GALNTL6: variants seen among roughly 807,000 people sequenced by gnomAD.
GALNTL6 encodes polypeptide N-acetylgalactosaminyltransferase-like 6.
A neutral mutation model predicts 73.7 loss-of-function variants in GALNTL6; 46 were observed. The ratio of observed to expected loss-of-function variants is 0.62; its 90% CI spans 0.49 to 0.80. GALNTL6 has a LOEUF of 0.80. GALNTL6 is among the 30% of genes least tolerant of loss of function. GALNTL6 has a pLI of 0.00. For synonymous variants in GALNTL6, 259 were observed against 263.7 expected (o/e 0.98, Z 0.17); for missense variants, 604 against 755.0 (o/e 0.80, Z 2.34).
At chr4:172,065,427 T>C (rs892626988) in intron 2 of GALNTL6, among the ~76,000 whole-genome samples, 37 of 152,230 alleles carry the variant, frequency 2.4e-4, no homozygotes, top group African/African-American at 7.2e-4. Context: ...AGCCCAGGGG[T>C]TGGGGACCCC....
intron 2 of GALNTL6, among the ~76,000 whole-genome samples, chr4:172,156,540 AATATATATAT>A (rs5864120): frequency 8.0e-6 from 1 of 125,184 alleles, no homozygotes; most frequent in South Asian, 2.4e-4. Flanking sequence ...ATATATATAT[AATATATATAT>A]ATATATATAT....
At chr4:172,992,139 T>C (rs1751571633) in intron 10 of GALNTL6, among the ~76,000 whole-genome samples, 1 of 152,238 alleles carries the variant, frequency 6.6e-6, no homozygotes, top group African/African-American at 2.4e-5. Context: ...TAAGCAATTT[T>C]AGTTATGTAC....
rs1327250827 is a variant in GALNTL6, at chr4:172,078,039, T to C, written c.139-151617T>C. 2.0e-5 allele frequency among the ~76,000 whole-genome samples: 3 copies of C among 152,076 alleles called. No individual in the cohort carries two copies. In the East Asian group the frequency reaches 5.8e-4, roughly 29 times the overall value. The stretch of plus-strand genomic sequence containing the variant: ...AAGCCTTGGTGGCTTCCATGTGGTG[T>C]TGGGTCTGTGGGTGCACAAAAGGCC... On this transcript the variant is annotated intron_variant, in intron 2 of 12. Coordinates refer to ENST00000506823, the MANE Select transcript of GALNTL6 (RefSeq NM_001034845.3).
chr4:172,676,119 T>C (rs1732290050), intron 5 of GALNTL6, among the ~76,000 whole-genome samples: 1 of 152,220 alleles, frequency 6.6e-6, no homozygotes, highest in African/African-American at 2.4e-5. Flanking sequence ...TGGCTAAAAA[T>C]ATGTCATGGT....
At chr4:172,426,720 C>A (rs929576963) in intron 5 of GALNTL6, among the ~76,000 whole-genome samples, 10 of 152,016 alleles carry the variant, frequency 6.6e-5, no homozygotes, top group African/African-American at 2.4e-4. Flanking sequence ...TAGAATCTGA[C>A]CTTATATTGA....
chr4:171,901,601 C>T (rs1413844688), intron 2 of GALNTL6, among the ~76,000 whole-genome samples: 1 of 152,162 alleles, frequency 6.6e-6, no homozygotes, highest in Non-Finnish European at 1.5e-5. Context: ...CTTTATTTTT[C>T]TACCTGCTAG....
intron 2 of GALNTL6, among the ~76,000 whole-genome samples, chr4:171,872,558 C>T (rs1461092442): frequency 6.6e-6 from 1 of 152,180 alleles, no homozygotes; most frequent in Non-Finnish European, 1.5e-5. Context: ...TTTATTGTCT[C>T]ACAGTTCTGA....
intron 5 of GALNTL6, among the ~76,000 whole-genome samples, chr4:172,590,814 G>A (rs1172652682): frequency 6.6e-6 from 1 of 152,096 alleles, no homozygotes; most frequent in East Asian, 1.9e-4. Context: ...TGACAAAAGG[G>A]AGTAATAATA....
chr4:172,192,630 C>T (rs2110881777), intron 2 of GALNTL6, among the ~76,000 whole-genome samples: 1 of 152,212 alleles, frequency 6.6e-6, no homozygotes. Context: ...TTGTGCTACC[C>T]CACCTAGGAA....
At chr4:172,260,376 G>T (rs551802422) in intron 3 of GALNTL6, among the ~76,000 whole-genome samples, 1 of 151,494 alleles carries the variant, frequency 6.6e-6, no homozygotes, top group East Asian at 1.9e-4. Flanking sequence ...ATTATAAAAG[G>T]GATTGAGTTC....
chr4:172,816,763 G>A (rs1344543295), intron 7 of GALNTL6, among the ~76,000 whole-genome samples: 1 of 152,108 alleles, frequency 6.6e-6, no homozygotes, highest in African/African-American at 2.4e-5. Context: ...CAGCATTCAT[G>A]ATTCAAATTA....
At chr4:171,858,862 C>T (rs1220230573) in intron 2 of GALNTL6, among the ~76,000 whole-genome samples, 1 of 152,016 alleles carries the variant, frequency 6.6e-6, no homozygotes, top group East Asian at 1.9e-4. Flanking sequence ...TTTTATACAA[C>T]TATAAAATTA....
intron 3 of GALNTL6, among the ~76,000 whole-genome samples, chr4:172,247,464 G>C (rs1192529083): frequency 2.6e-5 from 4 of 152,156 alleles, no homozygotes; most frequent in Non-Finnish European, 4.4e-5. Flanking sequence ...CTCACACAGA[G>C]AGCCTCATAC....
chr4:172,598,335 C>T (rs2111017169), intron 5 of GALNTL6, among the ~76,000 whole-genome samples: 1 of 152,140 alleles, frequency 6.6e-6, no homozygotes, highest in South Asian at 2.1e-4. Flanking sequence ...CTCTGCATAC[C>T]TCTCATAATT....
intron 2 of GALNTL6, among the ~76,000 whole-genome samples, chr4:172,016,763 T>C (rs1741210048): frequency 6.6e-6 from 1 of 151,966 alleles, no homozygotes; most frequent in South Asian, 2.1e-4. Context: ...TAATTTAATT[T>C]TTTTATCCCT....
At chr4:172,315,746 A>G (rs1740521718) in intron 4 of GALNTL6, among the ~76,000 whole-genome samples, 1 of 151,092 alleles carries the variant, frequency 6.6e-6, no homozygotes, top group South Asian at 2.1e-4. Flanking sequence ...CTTCTGTATG[A>G]CAAATGTCCA....
rs149238428 is a variant in GALNTL6 at position 172,247,743 on chromosome 4, A to G, written c.247+17979A>G. Among the ~76,000 whole-genome samples, 1,052 of 152,246 alleles carry G rather than the reference A, an allele frequency of 6.9e-3. 3 individuals are homozygous for G. Among genetic ancestry groups the G allele is most frequent in the Admixed American group, 0.015 (222 of 15,274 alleles). The stretch of plus-strand genomic sequence containing the variant: ...AAGCTAGGACCCTCCACCCCACCCC[A>G]GTAGATACAGATGATTCTTCTTTTT... On this transcript the variant is annotated intron_variant, in intron 3 of 12. Transcript: ENST00000506823.
At chr4:172,758,168 T>G (rs1348162111) in intron 5 of GALNTL6, among the ~76,000 whole-genome samples, 3 of 152,190 alleles carry the variant, frequency 2.0e-5, no homozygotes, top group African/African-American at 7.2e-5. Context: ...AAGTATAGAG[T>G]ATTGTATACA....
intron 5 of GALNTL6, among the ~76,000 whole-genome samples, chr4:172,416,519 TAA>T (rs1440709974): frequency 6.6e-6 from 1 of 152,206 alleles, no homozygotes; most frequent in African/African-American, 2.4e-5. Flanking sequence ...ATTTGTAAAT[TAA>T]GTGAGAAGCC....
Sources: gnomAD v4.1 joint callset for allele counts (sites outside exome capture counted in the v4.1 genomes callset) on GRCh38, gnomAD v4.1.1 for gene constraint, MANE v1.5 for transcripts, NCBI Gene and HGNC (gene_info 2026-07-23, HGNC 2026-07-21) for gene names.